Variants in UTRN observed in about 807,000 individuals in gnomAD.
UTRN encodes the protein dystrophin-related protein 1.
UTRN carries 283 observed loss-of-function variants against 463.9 expected under a neutral mutation model. The ratio of observed to expected loss-of-function variants is 0.61; its 90% CI spans 0.55 to 0.67. The LOEUF is 0.67. Among genes scored for constraint, UTRN ranks in the 30% least tolerant of loss-of-function variants. UTRN has a pLI of 0.00. For missense variants in UTRN, 3,922 were observed against 4,084.3 expected (o/e 0.96, Z 1.08); for synonymous variants, 1,442 against 1,431.5 (o/e 1.01, Z -0.17).
intron 56 of UTRN, among the ~76,000 whole-genome samples, chr6:144,754,344 C>T (rs983122066): frequency 3.9e-5 from 6 of 152,242 alleles, no homozygotes; most frequent in South Asian, 2.1e-4. Context: ...GACCAGAATA[C>T]GAACAGGAGT....
intron 51 of UTRN, among the ~76,000 whole-genome samples, chr6:144,607,802 A>C (rs149015560): frequency 6.6e-6 from 1 of 152,354 alleles, no homozygotes; most frequent in African/African-American, 2.4e-5. Flanking sequence ...GGTCAGAGAT[A>C]AACTGGAAGA....
chr6:144,498,176 A>G (rs145496873), intron 33 of UTRN, among the ~76,000 whole-genome samples: 1 of 152,352 alleles, frequency 6.6e-6, no homozygotes, highest in East Asian at 1.9e-4. Flanking sequence ...AGCAAGGGCA[A>G]TGTCTGGGAG....
chr6:144,465,868 A>G (rs961056240), intron 23 of UTRN, among the ~76,000 whole-genome samples: 1 of 152,216 alleles, frequency 6.6e-6, no homozygotes, highest in African/African-American at 2.4e-5. Flanking sequence ...CCAATTCATA[A>G]TAATGTTTTG....
chr6:144,764,649 T>A (rs1325268936), intron 58 of UTRN, among the ~76,000 whole-genome samples: 1 of 152,138 alleles, frequency 6.6e-6, no homozygotes, highest in East Asian at 1.9e-4. Context: ...AAAACTGCCA[T>A]TGCAATTAGC....
At chr6:144,438,149 C>G (rs1020137036) in intron 11 of UTRN, among the ~76,000 whole-genome samples, 4 of 152,116 alleles carry the variant, frequency 2.6e-5, no homozygotes, top group Non-Finnish European at 5.9e-5. Context: ...GCCTGTAATC[C>G]TAGCTACTTG....
At chr6:144,410,656 T>G (rs1783808630) in intron 3 of UTRN, among the ~76,000 whole-genome samples, 1 of 151,560 alleles carries the variant, frequency 6.6e-6, no homozygotes, top group South Asian at 2.1e-4. Flanking sequence ...CTCCCACTTA[T>G]GAGTCAGAAC....
At chr6:144,626,562 A>T (rs184604101) in intron 51 of UTRN, among the ~76,000 whole-genome samples, 1 of 152,228 alleles carries the variant, frequency 6.6e-6, no homozygotes, top group Non-Finnish European at 1.5e-5. Flanking sequence ...GGGTTTGCAC[A>T]TGTCCACAGC....
chr6:144,688,532 C>T (rs1159009233), intron 52 of UTRN, among the ~76,000 whole-genome samples: 9 of 151,760 alleles, frequency 5.9e-5, no homozygotes, highest in African/African-American at 1.7e-4. Context: ...ATTTTTTGTT[C>T]GACTATGTGT....
Position 144,473,814 on chromosome 6 carries a change from G to A in UTRN, c.3161G>A (p.Arg1054Lys). The A allele has an allele frequency of 1.2e-6, 2 of 1,613,840 alleles. No homozygotes were observed. Among genetic ancestry groups the A allele is most frequent in the African/African-American group, 2.7e-5 (2 of 75,036 alleles). ...CAAGGAGACGACGCAGGTCTACAGA[G>A]GCAGTTAGACCAGTGCTCTGTGAGT... is the stretch of plus-strand genomic sequence containing the variant. ...AAQGDDAGLQ[R>K]QLDQCSAFVN... Residue 1054 changes from arginine to lysine, a missense_variant, in exon 24 of 75, where the codon AGG (arginine) becomes AAG (lysine). By Grantham distance (26) the Arg-to-Lys change is conservative. Around this residue, in one of 3 missense-constraint regions of UTRN, gnomAD observed 2,349 missense variants for 2,303.8 expected, o/e 1.02. Transcript: ENST00000367545.
intron 51 of UTRN, among the ~76,000 whole-genome samples, chr6:144,653,416 TC>T (rs2128668228): frequency 6.6e-6 from 1 of 152,030 alleles, no homozygotes; most frequent in South Asian, 2.1e-4. Context: ...AAATCCCATC[TC>T]TACTAAAAAA....
At chr6:144,548,469 T>C (rs1465254941) in intron 46 of UTRN, among the ~76,000 whole-genome samples, 171 bp from the exon 47 acceptor site, 2 of 152,218 alleles carry the variant, frequency 1.3e-5, no homozygotes, top group Non-Finnish European at 2.9e-5. Flanking sequence ...CAAAGACATA[T>C]GGATATTACA....
chr6:144,346,875 C>CATCTATCTATCTATCTATCT (rs5880591), intron 2 of UTRN, among the ~76,000 whole-genome samples: 36 of 151,212 alleles, frequency 2.4e-4, no homozygotes, highest in African/African-American at 8.6e-4. Context: ...ATCTATGTAT[C>CATCTATCTATCTATCTATCT]ATCTATCTAT....
chr6:144,792,839 T>G (rs978411824), intron 62 of UTRN, among the ~76,000 whole-genome samples: 19 of 152,168 alleles, frequency 1.2e-4, no homozygotes, highest in African/African-American at 4.6e-4. Context: ...AATATATAAT[T>G]TTGATCTTCA....
chr6:144,677,149 G>T (rs2128682554), intron 51 of UTRN, among the ~76,000 whole-genome samples: 1 of 152,262 alleles, frequency 6.6e-6, no homozygotes, highest in African/African-American at 2.4e-5. Flanking sequence ...TGCTGAACGT[G>T]CAGGTTTGTT....
intron 2 of UTRN, among the ~76,000 whole-genome samples, chr6:144,382,105 T>G (rs936885982): frequency 1.3e-5 from 2 of 152,232 alleles, no homozygotes; most frequent in South Asian, 4.1e-4. Context: ...CTAATGATAG[T>G]GATGTTGAGC....
intron 51 of UTRN, among the ~76,000 whole-genome samples, chr6:144,621,017 G>A (rs530520286): frequency 6.6e-6 from 1 of 152,190 alleles, no homozygotes; most frequent in East Asian, 1.9e-4. Context: ...TACAGTATTG[G>A]ATCTAAGGGT....
At chr6:144,808,111 C>G (rs1350747500) in intron 65 of UTRN, among the ~76,000 whole-genome samples, 1 of 152,038 alleles carries the variant, frequency 6.6e-6, no homozygotes, top group Non-Finnish European at 1.5e-5. Context: ...TATATCCTTG[C>G]TGGAATATTA....
Position 144,769,389 on chromosome 6 carries a change from G to T in UTRN, c.8496-2518G>T, listed in dbSNP as rs185706962. ...ACCAGAGGCTGTATTTATTTTCTGT[G>T]TTGGCAGTTCTGCCTAATGAATCAA... On this transcript the variant is annotated intron_variant, in intron 58 of 74. Coordinates refer to ENST00000367545, the MANE Select transcript of UTRN (RefSeq NM_007124.3). Among the ~76,000 whole-genome samples the T allele has an allele frequency of 3.9e-4, 59 of 152,204 alleles. 1 individual carries two copies. The highest frequency in any genetic ancestry group is 3.7e-3 in the Admixed American group (56 of 15,300).
intron 46 of UTRN, among the ~76,000 whole-genome samples, chr6:144,547,864 C>T (rs1237258099): frequency 6.6e-6 from 1 of 152,006 alleles, no homozygotes; most frequent in East Asian, 1.9e-4. Context: ...ACATTCAAGC[C>T]TGTTGGGATT....
Sources: gnomAD v4.1 joint callset for allele counts (sites outside exome capture counted in the v4.1 genomes callset) on GRCh38, gnomAD v4.1.1 for gene constraint, gnomAD v4.1.1 regional missense constraint, MANE v1.5 for transcripts, NCBI Gene and HGNC (gene_info 2026-07-23, HGNC 2026-07-21) for gene names.